COX7C: variants seen among roughly 807,000 people sequenced by gnomAD.
The protein encoded by COX7C is cytochrome c oxidase subunit 7C, also known as cytochrome c oxidase subunit 7C, mitochondrial.
COX7C carries 1 observed loss-of-function variant against 6.4 expected under a neutral mutation model. The ratio of observed to expected loss-of-function variants is 0.16; its 90% CI spans 0.06 to 0.74. COX7C has a LOEUF of 0.74. Among genes scored for constraint, COX7C ranks in the 30% least tolerant of loss-of-function variants. COX7C has a pLI of 0.78. For missense variants in COX7C, 54 were observed against 73.7 expected (o/e 0.73, Z 0.98); for synonymous variants, 24 against 28.9 (o/e 0.83, Z 0.54).
chr5:86,618,236 A>G, intron 1 of COX7C, 106 bp downstream of exon 1: 1 of 1,032,018 alleles, frequency 9.7e-7, no homozygotes, highest in Non-Finnish European at 1.5e-6. Context: ...TGATAGCCAG[A>G]AACCAGGCTG....
rs139185316 is a variant in COX7C at position 86,618,999 on chromosome 5, A to G, written c.76-354A>G. ...GTCTCAAAAAAAAAAAAAAAGAAAA[A>G]AAAAGAGCTGTATTGCACTTAACAT... On this transcript the variant is annotated intron_variant, in intron 1 of 2. Coordinates refer to ENST00000247655, the MANE Select transcript of COX7C (RefSeq NM_001867.3). Among the ~76,000 whole-genome samples, 453 of 151,946 alleles carry G rather than the reference A, an allele frequency of 3.0e-3. 2 individuals are homozygous for G. Among genetic ancestry groups the G allele is most frequent in the Middle Eastern group, 0.014 (4 of 294 alleles).
chr5:86,619,105 G>T (rs1199553078), intron 1 of COX7C, among the ~76,000 whole-genome samples: 1 of 152,038 alleles, frequency 6.6e-6, no homozygotes, highest in African/African-American at 2.4e-5. Context: ...ACTATTTGAC[G>T]TTTGAGTCCT....
intron 1 of COX7C, 149 bp downstream of exon 1, chr5:86,618,279 AC>A: frequency 1.4e-6 from 1 of 704,188 alleles, no homozygotes; most frequent in Non-Finnish European, 2.4e-6. Context: ...TAGCCCAAGG[AC>A]CAGTGAGGAA....
chr5:86,618,236 A>AAACC (rs1750038961), intron 1 of COX7C, 106 bp downstream of exon 1: 1 of 1,031,900 alleles, frequency 9.7e-7, no homozygotes, highest in Admixed American at 2.0e-5. Context: ...TGATAGCCAG[A>AAACC]AACCAGGCTG....
chr5:86,618,992 AAG>A (rs1223769592), intron 1 of COX7C, among the ~76,000 whole-genome samples: 1 of 151,688 alleles, frequency 6.6e-6, no homozygotes, highest in Non-Finnish European at 1.5e-5. Context: ...AAAAAAAAAA[AAG>A]AAAAAAAAAG....
rs1265616016 is a variant in COX7C at position 86,617,960 on chromosome 5, CG to C, written c.-92del. 5 of 1,149,650 alleles carry C rather than the reference CG, an allele frequency of 4.3e-6. No homozygotes were observed. Among genetic ancestry groups the C allele is most frequent in the East Asian group, 4.8e-5 (2 of 41,622 alleles). The allele number at this position is 1,149,650 out of a possible 1,614,324, so 71.2% of individuals were successfully genotyped here. A position where few individuals can be genotyped will look rare whatever the true frequency, so the allele number is the denominator to read the frequency against. ...ATCTTTCTTTTCAGTCCTTGCGCACCGGGGAACAAGGTCGTGAAAAAAAAGG... is the reference window on the plus strand; with the variant it reads ...ATCTTTCTTTTCAGTCCTTGCGCACCGGGAACAAGGTCGTGAAAAAAAAGG... On this transcript the variant is annotated 5_prime_UTR_variant, in exon 1 of 3. Transcript: ENST00000247655.
chr5:86,619,215 A>T (rs1040596045), intron 1 of COX7C, 138 bp from the exon 2 acceptor site: 19 of 632,358 alleles, frequency 3.0e-5, no homozygotes, highest in African/African-American at 2.7e-4. Flanking sequence ...AAATGTTTAA[A>T]ACGATGTTAT....
chr5:86,620,301 G>A (rs1186808433), intron 2 of COX7C: 1 of 153,234 alleles, frequency 6.5e-6, no homozygotes, highest in Non-Finnish European at 1.5e-5. Context: ...GAGAAGCCTT[G>A]TGTCAAGGGG....
chr5:86,618,314 G>T (rs944804471), intron 1 of COX7C, 184 bp downstream of exon 1: 3 of 604,094 alleles, frequency 5.0e-6, no homozygotes, highest in Non-Finnish European at 8.9e-6. Context: ...GCGCGTAGCC[G>T]CTAAAGGAAT....
Position 86,618,143 on chromosome 5 carries a change from G to A in COX7C, c.75+13G>A. ...GGGCCCTGGGAAGGTTAGTGTGTAA[G>A]GGGCACGGCTTCGTTGGGGGAGGGG... On this transcript the variant is annotated intron_variant, in intron 1 of 2. Transcript: ENST00000247655. 1.2e-6 allele frequency: 2 copies of A among 1,613,892 alleles called. No homozygotes were observed. Among genetic ancestry groups the A allele is most frequent in the Non-Finnish European group, 1.7e-6 (2 of 1,179,822 alleles).
In COX7C at chr5:86,619,336, C is replaced by T; in HGVS notation, c.76-17C>T. On this transcript the variant is annotated splice_polypyrimidine_tract_variant and intron_variant, in intron 1 of 2. Coordinates refer to ENST00000247655, the MANE Select transcript of COX7C (RefSeq NM_001867.3). ...TGAGATTCAATTTCGATTACTTTTT[C>T]TCTTTTTTTCCAACAGAATTTGCCA... 1 of 1,483,800 alleles carries T rather than the reference C, an allele frequency of 6.7e-7. No individual in the cohort carries two copies. The highest frequency in any genetic ancestry group is 9.4e-7 in the Non-Finnish European group (1 of 1,063,966). The allele number at this position is 1,483,800 out of a possible 1,614,324, so 91.9% of individuals were successfully genotyped here. A position where few individuals can be genotyped will look rare whatever the true frequency, so the allele number is the denominator to read the frequency against.
chr5:86,618,420 CTGTAGGTGTGTTGGTTAAA>C (rs1750048005), intron 1 of COX7C: 1 of 408,052 alleles, frequency 2.5e-6, no homozygotes, highest in African/African-American at 2.0e-5. Context: ...GAGGCCACGG[CTGTAGGTGTGTTGGTTAAA>C]TCCGAGCTGG....
chr5:86,619,029 A>G (rs183186539), intron 1 of COX7C, among the ~76,000 whole-genome samples: 1 of 151,872 alleles, frequency 6.6e-6, no homozygotes, highest in East Asian at 1.9e-4. Flanking sequence ...TAACATTGCC[A>G]TGTATCTTCT....
At chr5:86,618,473 G>C (rs1296699718) in intron 1 of COX7C, 10 of 283,926 alleles carry the variant, frequency 3.5e-5, no homozygotes, top group Non-Finnish European at 5.4e-5. Flanking sequence ...CGAAATGAAG[G>C]TCATTGGAAA....
intron 1 of COX7C, among the ~76,000 whole-genome samples, chr5:86,618,640 G>C (rs13167616): frequency 0.027 from 4,110 of 152,162 alleles, 225 homozygotes; most frequent in East Asian, 0.24. Flanking sequence ...AGGGTCACAC[G>C]AGGCCTAGTC....
At position 86,619,141 on chromosome 5, in the gene COX7C, A is replaced by G. The variant is rs561749123; in HGVS notation, c.76-212A>G. On this transcript the variant is annotated intron_variant, in intron 1 of 2. Coordinates refer to ENST00000247655, the MANE Select transcript of COX7C (RefSeq NM_001867.3). Reference sequence around the variant, plus strand: ...CAAGACCATTCATTGCCTAGTGCTTAGTAAAGCCAGATTATTTCTTGCCAT... The same window carrying G: ...CAAGACCATTCATTGCCTAGTGCTTGGTAAAGCCAGATTATTTCTTGCCAT... 3.3e-5 allele frequency among the ~76,000 whole-genome samples: 5 copies of G among 152,302 alleles called. No homozygotes were observed. The East Asian group carries it at 7.7e-4, about 23-fold the overall frequency.
At chr5:86,618,777 C>T (rs909699709) in intron 1 of COX7C, among the ~76,000 whole-genome samples, 6 of 151,982 alleles carry the variant, frequency 3.9e-5, no homozygotes, top group African/African-American at 1.4e-4. Flanking sequence ...TCAGGAGTTC[C>T]AGACCAGCCT....
chr5:86,618,070 C>T lies in COX7C; in HGVS notation c.15C>T (p.Ser5=). 6.2e-7 allele frequency: 1 copy of T among 1,613,928 alleles called. No individual in the cohort carries two copies. The highest frequency in any genetic ancestry group is 8.5e-7 in the Non-Finnish European group (1 of 1,180,030). The stretch of plus-strand genomic sequence containing the variant: ...CCAGCAGCGGTATGTTGGGCCAGAG[C>T]ATCCGGAGGTTCACAACCTCTGTGG... MLGQ[S]IRRFTTSVVR... is the part of the protein sequence containing the mutation. The change falls in exon 1 of 3, where the codon AGC becomes AGT. Residue 5 remains serine, a synonymous_variant. Transcript: ENST00000247655.
chr5:86,618,087 C>T lies in COX7C; in HGVS notation c.32C>T (p.Thr11Ile). The change falls in exon 1 of 3, where the codon ACC (threonine) becomes ATC (isoleucine). Residue 11 changes from threonine to isoleucine, a missense_variant. Thr to Ile is a moderately conservative substitution (Grantham distance 89, BLOSUM62 -1). Transcript: ENST00000247655. MLGQSIRRFT[T>I]SVVRRSHYEE... ...GGCCAGAGCATCCGGAGGTTCACAACCTCTGTGGTCCGTAGGAGCCACTAT... is the reference window on the plus strand; with the variant it reads ...GGCCAGAGCATCCGGAGGTTCACAATCTCTGTGGTCCGTAGGAGCCACTAT... 1 of 1,614,116 alleles carries T rather than the reference C, an allele frequency of 6.2e-7. No individual in the cohort carries two copies. The highest frequency in any genetic ancestry group is 8.5e-7 in the Non-Finnish European group (1 of 1,180,028).
Sources: gnomAD v4.1 joint callset for allele counts (sites outside exome capture counted in the v4.1 genomes callset) on GRCh38, gnomAD v4.1.1 for gene constraint, MANE v1.5 for transcripts, NCBI Gene and HGNC (gene_info 2026-07-23, HGNC 2026-07-21) for gene names.